The following AOPEP variants were observed in gnomAD, a reference collection of about 807,000 sequenced individuals.
The protein encoded by AOPEP is aminopeptidase O.
AOPEP carries 77 observed loss-of-function variants against 98.1 expected under a neutral mutation model. The observed-to-expected ratio is 0.78, with a 90% CI of 0.65 to 0.95. The LOEUF is 0.95. Ranked by LOEUF, AOPEP falls within the 40% of genes least tolerant of loss-of-function variation. The pLI, the probability that AOPEP is intolerant of heterozygous loss-of-function variation, is 0.00. For missense variants in AOPEP, 1,024 were observed against 1,024.7 expected (o/e 1.00, Z 0.01); for synonymous variants, 346 against 365.3 (o/e 0.95, Z 0.60).
intron 5 of AOPEP, among the ~76,000 whole-genome samples, chr9:94,818,607 C>G (rs573577552): frequency 6.6e-6 from 1 of 152,280 alleles, no homozygotes; most frequent in African/African-American, 2.4e-5. Context: ...TTCTTCCCCC[C>G]AAAAAGAAGG....
chr9:95,067,637 C>G (rs940086904), intron 14 of AOPEP, among the ~76,000 whole-genome samples: 13 of 152,212 alleles, frequency 8.5e-5, no homozygotes, highest in Admixed American at 7.2e-4. Context: ...CTGAAACAGC[C>G]TTTCTCAACT....
chr9:94,808,820 T>A (rs1301763768), intron 5 of AOPEP, among the ~76,000 whole-genome samples: 2 of 152,276 alleles, frequency 1.3e-5, no homozygotes, highest in Non-Finnish European at 2.9e-5. Flanking sequence ...CCTTGGCCTG[T>A]GCTCCTTGGA....
At chr9:94,919,480 C>G (rs1262300036) in intron 5 of AOPEP, among the ~76,000 whole-genome samples, 1 of 152,148 alleles carries the variant, frequency 6.6e-6, no homozygotes, top group Non-Finnish European at 1.5e-5. Flanking sequence ...GGGCCACCCC[C>G]CCACTTTGGC....
chr9:95,111,826 C>T, the AOPEP span, among the ~76,000 whole-genome samples: 1 of 152,210 alleles, frequency 6.6e-6, no homozygotes, highest in African/African-American at 2.4e-5. Flanking sequence ...CACAGGACAT[C>T]GAAAGAGTGC....
intron 9 of AOPEP, among the ~76,000 whole-genome samples, chr9:94,961,796 T>C (rs2058857756): frequency 6.6e-6 from 1 of 152,250 alleles, no homozygotes; most frequent in Non-Finnish European, 1.5e-5. Flanking sequence ...GGATTCCTTA[T>C]CTTTTATGTG....
intron 5 of AOPEP, among the ~76,000 whole-genome samples, chr9:94,813,790 GA>G (rs1280592229): frequency 1.3e-5 from 2 of 152,206 alleles, no homozygotes; most frequent in Non-Finnish European, 2.9e-5. Flanking sequence ...GTTGGAGCAT[GA>G]GCAAGGGCAA....
chr9:94,834,851 TACAA>T (rs61326495), intron 5 of AOPEP, among the ~76,000 whole-genome samples: 11,694 of 146,216 alleles, frequency 0.08, 622 homozygotes, highest in African/African-American at 0.15. Flanking sequence ...CATACATACA[TACAA>T]ACAATAAAAC....
chr9:94,978,192 A>G (rs1428629894), intron 10 of AOPEP, among the ~76,000 whole-genome samples: 2 of 152,078 alleles, frequency 1.3e-5, no homozygotes, highest in Non-Finnish European at 2.9e-5. Flanking sequence ...GTATCTTTTC[A>G]TAACTTCTAG....
chr9:94,804,326 T>A (rs1234248341), intron 5 of AOPEP, among the ~76,000 whole-genome samples: 1 of 152,214 alleles, frequency 6.6e-6, no homozygotes, highest in Non-Finnish European at 1.5e-5. Context: ...CATGGCATAG[T>A]TAGGTTGGCA....
Position 94,972,812 on chromosome 9 carries a change from G to A in AOPEP, c.1916+5011G>A, listed in dbSNP as rs1220144841. Reference sequence around the variant, plus strand: ...AAAATTAGCCTGCATGGTGGTACGTGTCTGTAGTCTCAGCTACTCGGGAGG... The same window carrying A: ...AAAATTAGCCTGCATGGTGGTACGTATCTGTAGTCTCAGCTACTCGGGAGG... On this transcript the variant is annotated intron_variant, in intron 10 of 16. Coordinates refer to ENST00000375315, the MANE Select transcript of AOPEP (RefSeq NM_001193329.3). The surrounding 1 kb of genome is among the most constrained non-coding windows in gnomAD (Gnocchi z 4.2). 6.6e-6 allele frequency among the ~76,000 whole-genome samples: 1 copy of A among 152,024 alleles called. No homozygotes were observed. Among genetic ancestry groups the A allele is most frequent in the East Asian group, 1.9e-4 (1 of 5,184 alleles).
intron 1 of AOPEP, among the ~76,000 whole-genome samples, chr9:94,727,737 A>G (rs1419598756): frequency 6.6e-6 from 1 of 152,202 alleles, no homozygotes; most frequent in Non-Finnish European, 1.5e-5. Flanking sequence ...AAGCCTTCCA[A>G]TGACTTGCTA....
intron 5 of AOPEP, among the ~76,000 whole-genome samples, chr9:94,902,777 C>T (rs181854952): frequency 8.7e-5 from 13 of 150,104 alleles, no homozygotes; most frequent in Admixed American, 7.9e-4. Flanking sequence ...TTTTTTTTGC[C>T]GGGCACCGTG....
chr9:94,785,789 A>G (rs1241268459), intron 3 of AOPEP, among the ~76,000 whole-genome samples: 1 of 152,190 alleles, frequency 6.6e-6, no homozygotes, highest in East Asian at 1.9e-4. Flanking sequence ...GTGCAAGTGG[A>G]TTGAATCAAA....
At chr9:94,753,532 A>G (rs1358917922) in intron 1 of AOPEP, among the ~76,000 whole-genome samples, 4 of 151,898 alleles carry the variant, frequency 2.6e-5, no homozygotes, top group African/African-American at 9.7e-5. Context: ...AGAAAAATTC[A>G]ATAAAAAGCA....
At chr9:95,002,903 C>T (rs1371316858) in intron 11 of AOPEP, among the ~76,000 whole-genome samples, 1 of 152,140 alleles carries the variant, frequency 6.6e-6, no homozygotes, top group African/African-American at 2.4e-5. Flanking sequence ...AAAGGACAAA[C>T]GAGACAAGAG....
At chr9:95,107,180 C>T in the AOPEP span, 1 of 1,614,178 alleles carries the variant, frequency 6.2e-7, no homozygotes, top group Non-Finnish European at 8.5e-7. Context: ...TGTCTGTGCC[C>T]TGTCCTGCTA....
At chr9:95,095,339 G>A in the AOPEP span, among the ~76,000 whole-genome samples, 240 of 152,282 alleles carry the variant, frequency 1.6e-3, 2 homozygotes, top group African/African-American at 5.5e-3. Context: ...CCAAGCTGCC[G>A]TGGAGATGGT....
At chr9:94,989,715 G>C (rs150776654) in intron 11 of AOPEP, among the ~76,000 whole-genome samples, 1,585 of 150,294 alleles carry the variant, frequency 0.011, 32 homozygotes, top group African/African-American at 0.037. Context: ...CGAATCAAGA[G>C]ATTCTCCTGC....
At chr9:94,733,487 C>T (rs1374750385) in intron 1 of AOPEP, among the ~76,000 whole-genome samples, 3 of 152,016 alleles carry the variant, frequency 2.0e-5, no homozygotes, top group South Asian at 2.1e-4. Flanking sequence ...GTATTTGCAC[C>T]GTGTAACCAG....
Sources: gnomAD v4.1 joint callset for allele counts (sites outside exome capture counted in the v4.1 genomes callset) on GRCh38, gnomAD v4.1.1 for gene constraint, Gnocchi (gnomAD v3.1) non-coding constraint, MANE v1.5 for transcripts, NCBI Gene and HGNC (gene_info 2026-07-23, HGNC 2026-07-21) for gene names.